The following TLK1 variants were observed in gnomAD, a reference collection of about 807,000 sequenced individuals.
TLK1 encodes the protein serine/threonine-protein kinase tousled-like 1.
TLK1 carries 24 observed loss-of-function variants against 105.3 expected under a neutral mutation model. The ratio of observed to expected loss-of-function variants is 0.23; its 90% confidence interval spans 0.17 to 0.32. TLK1 has a LOEUF of 0.32. Ranked by LOEUF, TLK1 falls within the 10% of genes least tolerant of loss-of-function variation. The pLI is 1.00. For missense variants in TLK1, 558 were observed against 910.5 expected, an observed-to-expected ratio of 0.61 and a Z score of 4.98; for synonymous variants, 321 against 310.4, an observed-to-expected ratio of 1.03 and a Z score of -0.36.
intron 1 of TLK1, among the ~76,000 whole-genome samples, chr2:171,200,999 A>G (rs1451431972): frequency 6.6e-6 from 1 of 150,880 alleles, no homozygotes; most frequent in Non-Finnish European, 1.5e-5. Flanking sequence ...CTCCTGCCTC[A>G]GCCTCCTGAG....
intron 11 of TLK1, among the ~76,000 whole-genome samples, chr2:171,028,842 T>A (rs771475305): frequency 1.3e-5 from 2 of 152,088 alleles, no homozygotes; most frequent in Non-Finnish European, 2.9e-5. Flanking sequence ...AACCACGTGA[T>A]GAAATAAATA....
At chr2:171,056,145 T>G (rs1558913460) in intron 6 of TLK1, among the ~76,000 whole-genome samples, 1 of 151,996 alleles carries the variant, frequency 6.6e-6, no homozygotes, top group Non-Finnish European at 1.5e-5. Context: ...AAGTTATAAA[T>G]TAGGAATCAA....
intron 3 of TLK1, among the ~76,000 whole-genome samples, chr2:171,069,085 A>G (rs1272016166): frequency 6.6e-6 from 1 of 152,234 alleles, no homozygotes; most frequent in Non-Finnish European, 1.5e-5. Flanking sequence ...TATATCTTAG[A>G]TTGGCAAATT....
chr2:171,077,774 A>T (rs1171522895), intron 3 of TLK1, among the ~76,000 whole-genome samples: 2 of 152,254 alleles, frequency 1.3e-5, no homozygotes, highest in African/African-American at 4.8e-5. Flanking sequence ...ACATTATAAC[A>T]ATAGAATATA....
chr2:171,193,148 C>T (rs1436726622), intron 1 of TLK1, among the ~76,000 whole-genome samples: 1 of 152,124 alleles, frequency 6.6e-6, no homozygotes, highest in Non-Finnish European at 1.5e-5. Flanking sequence ...TTGGTAACCA[C>T]ACATTTGGTA....
At chr2:171,114,802 T>G (rs1265367742) in intron 2 of TLK1, among the ~76,000 whole-genome samples, 1 of 151,590 alleles carries the variant, frequency 6.6e-6, no homozygotes, top group Non-Finnish European at 1.5e-5. Context: ...GCCACTGCAC[T>G]CCAGCCTGAG....
intron 1 of TLK1, among the ~76,000 whole-genome samples, chr2:171,227,593 T>TTTTTTTTTTTTTTTA (rs1693925114): frequency 7.8e-6 from 1 of 127,990 alleles, no homozygotes; most frequent in Non-Finnish European, 1.6e-5. Context: ...TTTTTTTTTT[T>TTTTTTTTTTTTTTTA]TTTTTGTTTA....
chr2:171,126,077 T>C (rs1025269369), intron 1 of TLK1, among the ~76,000 whole-genome samples: 5 of 152,194 alleles, frequency 3.3e-5, no homozygotes, highest in Non-Finnish European at 7.4e-5. Context: ...AAAGCCACTA[T>C]AAAGATCATA....
intron 1 of TLK1, among the ~76,000 whole-genome samples, chr2:171,192,771 GGTTAGA>G (rs1693180330): frequency 6.6e-6 from 1 of 152,178 alleles, no homozygotes; most frequent in Non-Finnish European, 1.5e-5. Context: ...ATGGCCAAAA[GGTTAGA>G]GATAGTTTAA....
rs1692449736 is a variant in TLK1 at position 171,160,616 on chromosome 2, A to T, written c.-188T>A. 3.4e-6 allele frequency: 3 copies of T among 872,688 alleles called. No individual in the cohort carries two copies. The highest frequency in any genetic ancestry group is 5.0e-6 in the Non-Finnish European group (3 of 596,542). 54.1% of individuals were successfully genotyped at this position (872,688 alleles called of 1,614,324 possible). A position where few individuals can be genotyped will look rare whatever the true frequency, so the allele number is the denominator to read the frequency against. On this transcript the variant is annotated 5_prime_UTR_variant, in exon 1 of 21. Transcript: ENST00000431350. This position sits in a 1 kb window ranked among gnomAD's most constrained non-coding sequence, Gnocchi z 4.4. ...GAGGTGGGGAGGAAAGAGGTGAGGG[A>T]AGGAGAGGGGACAGGGAGGAGGGAA...
chr2:171,132,057 G>A (rs1330296998), intron 1 of TLK1, among the ~76,000 whole-genome samples: 1 of 151,946 alleles, frequency 6.6e-6, no homozygotes, highest in Admixed American at 6.6e-5. Flanking sequence ...CATTGTATTC[G>A]TCCGTTCTCA....
At chr2:171,214,234 T>C (rs1371627079) in intron 1 of TLK1, among the ~76,000 whole-genome samples, 2 of 152,042 alleles carry the variant, frequency 1.3e-5, no homozygotes, top group Non-Finnish European at 2.9e-5. Flanking sequence ...AATTCTGAGC[T>C]GGGCAAGGTG....
intron 2 of TLK1, among the ~76,000 whole-genome samples, chr2:171,083,369 G>A (rs573134634): frequency 2.0e-5 from 3 of 151,826 alleles, no homozygotes; most frequent in Non-Finnish European, 4.4e-5. Context: ...TGACCATCTC[G>A]ACCATTTTAA....
chr2:171,213,070 C>G (rs777018007), intron 1 of TLK1, among the ~76,000 whole-genome samples: 11 of 151,816 alleles, frequency 7.2e-5, no homozygotes, highest in Non-Finnish European at 1.5e-4. Flanking sequence ...AGTTATAAAG[C>G]CTTTTCTAAA....
intron 2 of TLK1, among the ~76,000 whole-genome samples, chr2:171,086,387 A>G (rs1688973787): frequency 6.6e-6 from 1 of 152,176 alleles, no homozygotes; most frequent in Non-Finnish European, 1.5e-5. Flanking sequence ...GCACTTTGGG[A>G]GGCCTAGACA....
chr2:171,107,538 G>A (rs1462798582), intron 2 of TLK1, among the ~76,000 whole-genome samples: 3 of 152,166 alleles, frequency 2.0e-5, no homozygotes, highest in Non-Finnish European at 4.4e-5. Context: ...CTAGCACCTA[G>A]ATGTTGGTTC....
At chr2:171,072,229 C>G (rs1028044983) in intron 3 of TLK1, among the ~76,000 whole-genome samples, 1 of 152,168 alleles carries the variant, frequency 6.6e-6, no homozygotes, top group African/African-American at 2.4e-5. Context: ...ATTCCATGAC[C>G]ATGGAATATC....
At chr2:171,049,271 CTAAAA>C (rs1279695787) in intron 10 of TLK1, among the ~76,000 whole-genome samples, 4 of 151,998 alleles carry the variant, frequency 2.6e-5, no homozygotes, top group African/African-American at 4.8e-5. Context: ...TTCCCTGAAA[CTAAAA>C]TAAAAGTTGA....
intron 1 of TLK1, among the ~76,000 whole-genome samples, chr2:171,148,311 A>T (rs1440834241): frequency 6.6e-6 from 1 of 152,006 alleles, no homozygotes; most frequent in Non-Finnish European, 1.5e-5. Flanking sequence ...GTGCCTAATA[A>T]TGTGTGTATT....
Sources: allele counts gnomAD v4.1 joint callset (sites outside exome capture counted in the v4.1 genomes callset), GRCh38; gene constraint gnomAD v4.1.1; non-coding constraint Gnocchi (gnomAD v3.1); transcripts MANE v1.5; gene names NCBI Gene and HGNC (gene_info 2026-07-23, HGNC 2026-07-21).